Variants in SLC75A1 observed in about 807,000 individuals in gnomAD.
SLC75A1 encodes major facilitator superfamily domain containing 10.
the SLC75A1 span, chr4:2,931,127 C>T: frequency 6.3e-7 from 1 of 1,576,764 alleles, no homozygotes; most frequent in South Asian, 1.2e-5. Context: ...GTACCCATGA[C>T]CGTGCCCTTC....
At chr4:2,933,360 A>C in the SLC75A1 span, 3 of 950,380 alleles carry the variant, frequency 3.2e-6, no homozygotes, top group South Asian at 4.8e-5. Context: ...AGGGGGCCCC[A>C]ATGGAGAGAT....
At chr4:2,931,818 G>T in the SLC75A1 span, 1 of 1,591,886 alleles carries the variant, frequency 6.3e-7, no homozygotes, top group South Asian at 1.1e-5. Context: ...GCCAGATGGG[G>T]ACCCACCTAC....
the SLC75A1 span, chr4:2,933,616 G>A: frequency 4.3e-6 from 7 of 1,613,464 alleles, 1 homozygote; most frequent in South Asian, 3.3e-5. Flanking sequence ...TCCCGATGGC[G>A]GTGGCAAACC....
At chr4:2,932,407 A>G in the SLC75A1 span, 2 of 1,613,614 alleles carry the variant, frequency 1.2e-6, no homozygotes, top group Middle Eastern at 1.6e-4. Context: ...AGCAGGTCGG[A>G]GGCTGCGAAG....
At chr4:2,933,690 G>A in the SLC75A1 span, 7 of 1,612,418 alleles carry the variant, frequency 4.3e-6, no homozygotes, top group Non-Finnish European at 5.1e-6. Context: ...CACGATAAGG[G>A]CTGGGGAGGT....
chr4:2,930,895 G>C, the SLC75A1 span: 2 of 1,612,960 alleles, frequency 1.2e-6, no homozygotes, highest in Non-Finnish European at 1.7e-6. Flanking sequence ...GGAAGAAGGG[G>C]AGCAAAAAGA....
At chr4:2,933,848 T>C in the SLC75A1 span, 1 of 1,588,784 alleles carries the variant, frequency 6.3e-7, no homozygotes, top group Non-Finnish European at 8.6e-7. Context: ...AAGACAACGG[T>C]GACCACGCGG....
the SLC75A1 span, chr4:2,930,974 C>T: frequency 3.1e-6 from 5 of 1,612,858 alleles, no homozygotes; most frequent in Non-Finnish European, 4.2e-6. Flanking sequence ...ACGGTGGCGT[C>T]ACCCAGTCCC....
chr4:2,933,066 G>T, the SLC75A1 span: 1 of 1,588,826 alleles, frequency 6.3e-7, no homozygotes, highest in Non-Finnish European at 8.6e-7. Flanking sequence ...GGCTGGGTGG[G>T]AGGAGGCTTC....
At chr4:2,931,573 T>A in the SLC75A1 span, 10 of 1,612,590 alleles carry the variant, frequency 6.2e-6, no homozygotes, top group African/African-American at 2.7e-5. Context: ...CGGCAGCAAC[T>A]TCCCCGCCAG....
chr4:2,931,339 G>A, the SLC75A1 span: 1 of 1,543,530 alleles, frequency 6.5e-7, no homozygotes, highest in Non-Finnish European at 8.7e-7. Context: ...AGCCCCTGCT[G>A]CCCATCGGAT....
the SLC75A1 span, chr4:2,934,308 T>C: frequency 1.1e-4 from 23 of 205,608 alleles, no homozygotes; most frequent in African/African-American, 5.5e-4. Context: ...CCGATCCCGA[T>C]CCCAACCCCA....
the SLC75A1 span, chr4:2,932,441 T>C: frequency 3.5e-5 from 57 of 1,613,438 alleles, no homozygotes; most frequent in Middle Eastern, 4.9e-4. Context: ...AGGGTGCCAT[T>C]TCCAGGGGCA....
chr4:2,931,596 G>A, the SLC75A1 span: 31 of 1,613,294 alleles, frequency 1.9e-5, no homozygotes, highest in East Asian at 6.7e-5. Flanking sequence ...TGGATCCGCC[G>A]GGCATAGGCA....
chr4:2,932,545 G>T, the SLC75A1 span: 3 of 1,612,750 alleles, frequency 1.9e-6, no homozygotes, highest in Non-Finnish European at 2.5e-6. Flanking sequence ...TGCACAGGGA[G>T]ACCCAGGCCC....
the SLC75A1 span, chr4:2,934,404 C>G: frequency 6.1e-6 from 1 of 164,032 alleles, no homozygotes; most frequent in Admixed American, 5.9e-5. Context: ...GCACACCGGA[C>G]GCAGGAGCAC....
the SLC75A1 span, chr4:2,930,637 G>A: frequency 1.7e-6 from 1 of 603,926 alleles, no homozygotes; most frequent in Non-Finnish European, 2.9e-6. Flanking sequence ...CAGAAGCCCT[G>A]ACAGCCTTGG....
At chr4:2,933,152 G>A in the SLC75A1 span, 3 of 1,613,662 alleles carry the variant, frequency 1.9e-6, no homozygotes, top group Non-Finnish European at 2.5e-6. Flanking sequence ...GTCAGAGGTG[G>A]CCCCAGTGAG....
chr4:2,932,431 A>C, the SLC75A1 span: 4 of 1,613,730 alleles, frequency 2.5e-6, no homozygotes, highest in South Asian at 1.1e-5. Context: ...AGGGCAAACC[A>C]GGGTGCCATT....
Sources: allele counts gnomAD v4.1 joint callset, GRCh38; gene constraint gnomAD v4.1.1; transcripts MANE v1.5; gene names NCBI Gene and HGNC (gene_info 2026-07-23, HGNC 2026-07-21).